DDX10: variants seen among roughly 807,000 people sequenced by gnomAD.
DDX10 encodes the protein DEAD-box helicase 10.
A neutral mutation model predicts 104.3 loss-of-function variants in DDX10; 74 were observed. The observed-to-expected ratio is 0.71, with a 90% confidence interval of 0.59 to 0.86. DDX10 has a LOEUF of 0.86. DDX10 is among the 40% of genes least tolerant of loss of function. DDX10 has a pLI of 0.00. For missense variants in DDX10, 952 were observed against 1,040.0 expected (o/e 0.92, Z 1.16); for synonymous variants, 351 against 353.4 (o/e 0.99, Z 0.08).
chr11:108,817,303 C>T (rs370965849), intron 13 of DDX10, among the ~76,000 whole-genome samples: 1 of 152,076 alleles, frequency 6.6e-6, no homozygotes, highest in Non-Finnish European at 1.5e-5. Flanking sequence ...ACCCTGCTCA[C>T]TCTAGTCCAG....
intron 13 of DDX10, chr11:108,822,368 A>G: frequency 2.5e-6 from 1 of 403,284 alleles, no homozygotes; most frequent in South Asian, 2.0e-5. Context: ...TTAGCTATCA[A>G]GTCTGCCCTT....
At chr11:108,902,969 G>T (rs1019661703) in intron 16 of DDX10, among the ~76,000 whole-genome samples, 1 of 151,722 alleles carries the variant, frequency 6.6e-6, no homozygotes, top group Non-Finnish European at 1.5e-5. Flanking sequence ...GATTGCTTTG[G>T]AAAACAGGCA....
At chr11:108,731,055 CTTT>C (rs200365845) in intron 13 of DDX10, among the ~76,000 whole-genome samples, 1 of 142,684 alleles carries the variant, frequency 7.0e-6, no homozygotes, top group Non-Finnish European at 1.5e-5. Flanking sequence ...ATTGCCGTTT[CTTT>C]TTTTTTTTTT....
chr11:108,688,799 A>G (rs2094248024), intron 6 of DDX10, 137 bp from the exon 7 acceptor site: 1 of 812,114 alleles, frequency 1.2e-6, no homozygotes, highest in Non-Finnish European at 1.9e-6. Context: ...ATAGAGAAAA[A>G]TTCTTTTTTT....
At chr11:108,897,410 A>G (rs2134645205) in intron 16 of DDX10, among the ~76,000 whole-genome samples, 1 of 152,354 alleles carries the variant, frequency 6.6e-6, no homozygotes, top group African/African-American at 2.4e-5. Flanking sequence ...GATCAATAAC[A>G]AATGGGTACC....
chr11:108,800,416 G>A (rs980692229), intron 13 of DDX10, among the ~76,000 whole-genome samples: 27 of 142,354 alleles, frequency 1.9e-4, no homozygotes, highest in African/African-American at 6.0e-4. Flanking sequence ...CTGCTCTCCA[G>A]CCTGGGCGAC....
chr11:108,721,542 T>C (rs2094298378), intron 12 of DDX10, among the ~76,000 whole-genome samples: 1 of 152,204 alleles, frequency 6.6e-6, no homozygotes, highest in Non-Finnish European at 1.5e-5. Context: ...GTAAATTTTA[T>C]CTATTGGTAG....
intron 16 of DDX10, among the ~76,000 whole-genome samples, chr11:108,871,845 T>C (rs1411925336): frequency 2.0e-5 from 3 of 152,060 alleles, no homozygotes; most frequent in African/African-American, 4.8e-5. Flanking sequence ...GGAGAATCGC[T>C]TGAACCGTGG....
At chr11:108,752,341 A>G (rs1282333845) in intron 13 of DDX10, among the ~76,000 whole-genome samples, 1 of 152,124 alleles carries the variant, frequency 6.6e-6, no homozygotes, top group Non-Finnish European at 1.5e-5. Flanking sequence ...CTGTCAGTGT[A>G]TGCAGTGTTT....
At chr11:108,776,126 G>A (rs1268998259) in intron 13 of DDX10, among the ~76,000 whole-genome samples, 1 of 152,108 alleles carries the variant, frequency 6.6e-6, no homozygotes, top group Non-Finnish European at 1.5e-5. Flanking sequence ...TTCAGTCCTG[G>A]AACCTTTCTG....
intron 12 of DDX10, 116 bp from the exon 13 acceptor site, chr11:108,722,881 G>A: frequency 7.0e-7 from 1 of 1,425,358 alleles, no homozygotes; most frequent in Non-Finnish European, 9.2e-7. Context: ...TATCTCACAG[G>A]AACATTTTCT....
intron 13 of DDX10, among the ~76,000 whole-genome samples, chr11:108,811,957 T>C (rs1420046948): frequency 1.3e-5 from 2 of 152,196 alleles, no homozygotes; most frequent in Non-Finnish European, 2.9e-5. Flanking sequence ...ACATTTGTTA[T>C]ATGTATTGCA....
rs534470808 is a variant in DDX10 at position 108,736,169 on chromosome 11, T to G, written c.1965+12707T>G. Among the ~76,000 whole-genome samples the G allele has an allele frequency of 7.2e-5, 11 of 151,872 alleles. No homozygotes were observed. In the East Asian group the frequency reaches 2.1e-3, roughly 29 times the overall value. On this transcript the variant is annotated intron_variant, in intron 13 of 17. Coordinates refer to ENST00000322536, the MANE Select transcript of DDX10 (RefSeq NM_004398.4). ...TTCCCTAGTTCTTTTTTTTTTTTTT[T>G]TTAACCTTTTTGCTTCTTCCTTTGT...
chr11:108,895,703 A>G (rs1484731468), intron 16 of DDX10, among the ~76,000 whole-genome samples: 1 of 152,114 alleles, frequency 6.6e-6, no homozygotes, highest in Non-Finnish European at 1.5e-5. Context: ...AAAATTCAGT[A>G]GTTCTGATTA....
chr11:108,750,739 T>C (rs1200736525), intron 13 of DDX10, among the ~76,000 whole-genome samples: 1 of 150,998 alleles, frequency 6.6e-6, no homozygotes, highest in East Asian at 1.9e-4. Flanking sequence ...ATATATATTT[T>C]ATATCTATAT....
At chr11:108,830,847 A>G (rs1395982016) in intron 13 of DDX10, among the ~76,000 whole-genome samples, 1 of 152,180 alleles carries the variant, frequency 6.6e-6, no homozygotes, top group Admixed American at 6.5e-5. Flanking sequence ...ATAGTTTATT[A>G]CAAAAAGATT....
At position 108,678,427 on chromosome 11, in the gene DDX10, A is replaced by G. The variant is rs1484621601; in HGVS notation, c.650A>G (p.Gln217Arg). The G allele has an allele frequency of 1.3e-6, 2 of 1,599,008 alleles. No individual in the cohort carries two copies. Among genetic ancestry groups the G allele is most frequent in the Non-Finnish European group, 1.7e-6 (2 of 1,173,792 alleles). Residue 217 changes from glutamine (Q) to arginine (R), a missense_variant, in exon 5 of 18, where the codon CAA (glutamine) becomes CGA (arginine). Transcript: ENST00000322536. ...GTATCTTTTCATGCTACCGACCTCC[A>G]AATGTTAGGTGAGTCAAATCAATTT... ...ETVSFHATDL[Q>R]MLVLDEADRI... is the part of the protein sequence containing the mutation.
At chr11:108,806,343 A>C (rs867815579) in intron 13 of DDX10, among the ~76,000 whole-genome samples, 1 of 152,182 alleles carries the variant, frequency 6.6e-6, no homozygotes, top group African/African-American at 2.4e-5. Context: ...TTCCCTTAGA[A>C]GTATGTTTGA....
At chr11:108,757,237 CTT>C (rs1565269207) in intron 13 of DDX10, among the ~76,000 whole-genome samples, 1 of 152,062 alleles carries the variant, frequency 6.6e-6, no homozygotes, top group African/African-American at 2.4e-5. Context: ...TGTTTGTTCT[CTT>C]TTCCAAGATT....
Sources: gnomAD v4.1 joint callset for allele counts (sites outside exome capture counted in the v4.1 genomes callset) on GRCh38, gnomAD v4.1.1 for gene constraint, MANE v1.5 for transcripts, NCBI Gene and HGNC (gene_info 2026-07-23, HGNC 2026-07-21) for gene names.